Variants in PCDH7 observed in about 807,000 individuals in gnomAD.
PCDH7 encodes the protein protocadherin-7.
Under a neutral mutation model 58.9 loss-of-function variants are expected in PCDH7, and 17 were observed. The ratio of observed to expected loss-of-function variants is 0.29; its 90% CI spans 0.20 to 0.43. PCDH7 has a LOEUF of 0.43. Among genes scored for constraint, PCDH7 ranks in the 20% least tolerant of loss-of-function variants. The pLI, the probability that PCDH7 is intolerant of heterozygous loss-of-function variation, is 1.00. For synonymous variants in PCDH7, 664 were observed against 616.4 expected (o/e 1.08, Z -1.14); for missense variants, 1,274 against 1,441.0 (o/e 0.88, Z 1.88).
intron 1 of PCDH7, among the ~76,000 whole-genome samples, chr4:30,800,382 A>G (rs892170971): frequency 6.6e-6 from 1 of 152,156 alleles, no homozygotes; most frequent in African/African-American, 2.4e-5. Flanking sequence ...TCACATATAT[A>G]TATTTATTTG....
At position 30,722,413 on chromosome 4, in the gene PCDH7, C is replaced by G; in HGVS notation, c.991C>G (p.Arg331Gly). 1 of 1,612,552 alleles carries G rather than the reference C, an allele frequency of 6.2e-7. No homozygotes were observed. Among genetic ancestry groups the G allele is most frequent in the Non-Finnish European group, 8.5e-7 (1 of 1,179,890 alleles). Residue 331 changes from arginine to glycine, a missense_variant, in exon 1 of 2, where the codon CGC becomes GGC. Physicochemically the swap from Arg to Gly is moderately radical, Grantham distance 125. Transcript: ENST00000361762. The surrounding 1 kb of genome is among the most constrained non-coding windows in gnomAD (Gnocchi z 7.6). ...CCCGGGGACCCCCATCCTGCAACTG[C>G]GCGCAGCCGACTTGGACGTGGGGGT...
chr4:31,139,664 C>T (rs1217046765), intron 3 of PCDH7, among the ~76,000 whole-genome samples: 2 of 152,034 alleles, frequency 1.3e-5, no homozygotes, highest in African/African-American at 4.8e-5. Flanking sequence ...CCACTCATGC[C>T]CTTCTTTAAT....
intron 1 of PCDH7, among the ~76,000 whole-genome samples, chr4:30,889,232 A>G (rs1738279726): frequency 6.6e-6 from 1 of 152,020 alleles, no homozygotes; most frequent in African/African-American, 2.4e-5. Context: ...GAAAGCGGAA[A>G]CACTTTAATT....
chr4:30,889,786 C>T (rs963774277), intron 1 of PCDH7, among the ~76,000 whole-genome samples: 7 of 152,152 alleles, frequency 4.6e-5, no homozygotes, highest in Non-Finnish European at 8.8e-5. Flanking sequence ...CTAATCATCT[C>T]CCAATGGTTC....
intron 3 of PCDH7, among the ~76,000 whole-genome samples, chr4:31,078,618 C>T (rs1979815): frequency 0.64 from 92,285 of 144,404 alleles, 30,728 homozygotes; most frequent in African/African-American, 0.82. Flanking sequence ...GCAAGAACCA[C>T]AGAACCATGA....
intron 1 of PCDH7, among the ~76,000 whole-genome samples, chr4:30,810,768 A>C (rs905204742): frequency 2.0e-5 from 3 of 151,474 alleles, no homozygotes; most frequent in African/African-American, 4.9e-5. Flanking sequence ...CCACCACCAC[A>C]CCCGGCTAAT....
At chr4:30,738,606 A>G (rs187669893) in intron 1 of PCDH7, among the ~76,000 whole-genome samples, 2 of 152,316 alleles carry the variant, frequency 1.3e-5, no homozygotes, top group Non-Finnish European at 2.9e-5. Flanking sequence ...TCTGCTAACC[A>G]ATAAGTGCAT....
At chr4:31,030,999 G>A (rs1346008804) in intron 3 of PCDH7, among the ~76,000 whole-genome samples, 1 of 152,140 alleles carries the variant, frequency 6.6e-6, no homozygotes, top group Non-Finnish European at 1.5e-5. Context: ...ATTTCAACCA[G>A]TTTCCTTTCT....
chr4:30,902,573 T>G (rs996176483), intron 1 of PCDH7, among the ~76,000 whole-genome samples: 2 of 152,132 alleles, frequency 1.3e-5, no homozygotes, highest in African/African-American at 4.8e-5. Flanking sequence ...TATAATAAAT[T>G]TAACAGATTA....
Position 30,832,949 on chromosome 4 carries a change from C to T in PCDH7, c.71-87204C>T, listed in dbSNP as rs565285705. ...GAAGGCAGGCTAATTGCACTTTCTACTACAATATCTCTGTAGCAGAAAGGT... is the reference window on the plus strand; with the variant it reads ...GAAGGCAGGCTAATTGCACTTTCTATTACAATATCTCTGTAGCAGAAAGGT... On this transcript the variant is annotated intron_variant, in intron 1 of 3. Transcript: ENST00000509759. Among the ~76,000 whole-genome samples, 5 of 152,276 alleles carry T rather than the reference C, an allele frequency of 3.3e-5. No individual in the cohort carries two copies. The East Asian group carries it at 9.7e-4, about 29-fold the overall frequency.
At chr4:30,745,721 T>G (rs1333992548) in intron 1 of PCDH7, among the ~76,000 whole-genome samples, 1 of 152,108 alleles carries the variant, frequency 6.6e-6, no homozygotes, top group Admixed American at 6.6e-5. Context: ...AATTAGGTAC[T>G]TCTTATTTAG....
rs559577581 is a variant in PCDH7, at chr4:31,098,805, G to A, written c.*8-43668G>A. Among the ~76,000 whole-genome samples, 172 of 152,282 alleles carry A rather than the reference G, an allele frequency of 1.1e-3. 2 individuals carry two copies. Among genetic ancestry groups the A allele is most frequent in the African/African-American group, 3.9e-3 (164 of 41,564 alleles). On this transcript the variant is annotated intron_variant, in intron 3 of 3. Coordinates refer to the PCDH7 transcript ENST00000509759. ...AGGGCTGCCATAACACAATACCACA[G>A]ACTGGGAGACTTAAACAGAAATCTG...
chr4:30,765,843 T>C (rs920236230), intron 1 of PCDH7, among the ~76,000 whole-genome samples: 3 of 152,120 alleles, frequency 2.0e-5, no homozygotes, highest in Non-Finnish European at 4.4e-5. Flanking sequence ...TTCAGGTTGA[T>C]TAACTGGTAC....
chr4:31,012,946 G>C (rs2109154959), intron 3 of PCDH7, among the ~76,000 whole-genome samples: 1 of 150,508 alleles, frequency 6.6e-6, no homozygotes, highest in East Asian at 2.2e-4. Context: ...GGAGTTTGAG[G>C]CTGTAGTGAG....
chr4:30,752,188 C>T (rs1172824616), intron 1 of PCDH7, among the ~76,000 whole-genome samples: 3 of 151,932 alleles, frequency 2.0e-5, no homozygotes, highest in African/African-American at 7.3e-5. Flanking sequence ...GGCTGGAGTG[C>T]AGTGGCGTGA....
At chr4:30,947,750 A>C (rs930152634) in intron 2 of PCDH7, among the ~76,000 whole-genome samples, 33 of 152,144 alleles carry the variant, frequency 2.2e-4, no homozygotes, top group African/African-American at 7.7e-4. Flanking sequence ...ATAATATAAT[A>C]GTGCTATCTG....
chr4:30,774,057 T>A (rs1577738843), intron 1 of PCDH7, among the ~76,000 whole-genome samples: 1 of 152,354 alleles, frequency 6.6e-6, no homozygotes, highest in East Asian at 1.9e-4. Context: ...CAGCATTTTC[T>A]TTGCTCAGTT....
rs550187795 is a variant in PCDH7, at chr4:31,037,019, C to T, written c.*7+86804C>T. ...CCCCCCTGATTCAATTACCTCCCAC[C>T]GCGTCCCTCCCATAGCACATGGGAA... On this transcript the variant is annotated intron_variant, in intron 3 of 3. Coordinates refer to the PCDH7 transcript ENST00000509759. Among the ~76,000 whole-genome samples, 215 of 152,208 alleles carry T rather than the reference C, an allele frequency of 1.4e-3. 1 individual carries two copies. Among genetic ancestry groups the T allele is most frequent in the Non-Finnish European group, 2.4e-3 (165 of 68,020 alleles).
intron 1 of PCDH7, among the ~76,000 whole-genome samples, chr4:30,797,828 C>T (rs1373275364): frequency 6.6e-6 from 1 of 152,150 alleles, no homozygotes; most frequent in Non-Finnish European, 1.5e-5. Flanking sequence ...TAAATATTTA[C>T]AGAGCTCCTA....
Sources: gnomAD v4.1 joint callset for allele counts (sites outside exome capture counted in the v4.1 genomes callset) on GRCh38, gnomAD v4.1.1 for gene constraint, Gnocchi (gnomAD v3.1) non-coding constraint, MANE v1.5 for transcripts, NCBI Gene and HGNC (gene_info 2026-07-23, HGNC 2026-07-21) for gene names.